Variants in PDCD6IP observed in about 807,000 individuals in gnomAD.
The protein encoded by PDCD6IP is programmed cell death 6-interacting protein.
A neutral mutation model predicts 103.7 loss-of-function variants in PDCD6IP; 43 were observed. The ratio of observed to expected loss-of-function variants is 0.41; its 90% confidence interval spans 0.32 to 0.53. PDCD6IP has a LOEUF of 0.53. Ranked by LOEUF, PDCD6IP falls within the 20% of genes least tolerant of loss-of-function variation. The pLI is 0.16. For missense variants in PDCD6IP, 871 were observed against 1,036.7 expected, an observed-to-expected ratio of 0.84 and a Z score of 2.20; for synonymous variants, 354 against 378.7, an observed-to-expected ratio of 0.93 and a Z score of 0.76.
intron 4 of PDCD6IP, among the ~76,000 whole-genome samples, chr3:33,824,467 A>G (rs746511078): frequency 4.2e-4 from 64 of 152,240 alleles, no homozygotes; most frequent in East Asian, 3.9e-4. Context: ...CATGTTGGCC[A>G]GGCTGGTCTT....
chr3:33,859,991 G>A (rs1418024114), intron 15 of PDCD6IP, among the ~76,000 whole-genome samples: 1 of 152,106 alleles, frequency 6.6e-6, no homozygotes, highest in South Asian at 2.1e-4. Context: ...TTAAAAATCA[G>A]GGTGTTTTCA....
In PDCD6IP at chr3:33,799,156, AGCC is replaced by A. The variant is rs1696409829; in HGVS notation, c.209+220_209+222del. 4 of 580,374 alleles carry A rather than the reference AGCC, an allele frequency of 6.9e-6. No homozygotes were observed. The African/African-American group carries it at 7.5e-5, about 11-fold the overall frequency. The allele number at this position is 580,374 out of a possible 1,614,324, so 36.0% of individuals were successfully genotyped here. On this transcript the variant is annotated intron_variant, in intron 1 of 17. Coordinates refer to ENST00000307296, the MANE Select transcript of PDCD6IP (RefSeq NM_013374.6). The stretch of plus-strand genomic sequence containing the variant: ...CTTGTCCTGCCTGCACGTCTGCTCT[AGCC>A]CTTGGTCGGCGAGGGCTCCGTGGAT...
intron 1 of PDCD6IP, among the ~76,000 whole-genome samples, chr3:33,807,297 G>A (rs1696619884): frequency 6.6e-6 from 1 of 152,162 alleles, no homozygotes; most frequent in Admixed American, 6.5e-5. Context: ...GCCTGTTTTT[G>A]TATGGCCTGT....
intron 1 of PDCD6IP, among the ~76,000 whole-genome samples, chr3:33,811,735 G>C (rs554939545): frequency 3.7e-4 from 57 of 152,328 alleles, no homozygotes; most frequent in African/African-American, 1.1e-3. Flanking sequence ...GTTTACCAGA[G>C]ATACTAATTT....
rs553611608 is a variant in PDCD6IP, at chr3:33,852,458, C to A, written c.1642-30C>A. ...TTGGCTTTTTTTTTTTTTTTTTTTGCAGTTAAACTAAGGTGTCTTTTTTGT... is the reference window on the plus strand; with the variant it reads ...TTGGCTTTTTTTTTTTTTTTTTTTGAAGTTAAACTAAGGTGTCTTTTTTGT... On this transcript the variant is annotated intron_variant, in intron 12 of 17. Coordinates refer to ENST00000307296, the MANE Select transcript of PDCD6IP (RefSeq NM_013374.6). 1.1e-4 allele frequency: 99 copies of A among 870,494 alleles called. 1 individual carries two copies. In the South Asian group the frequency reaches 3.8e-3, roughly 33 times the overall value. 53.9% of individuals were successfully genotyped at this position (870,494 alleles called of 1,614,324 possible).
intron 7 of PDCD6IP, among the ~76,000 whole-genome samples, chr3:33,834,070 C>T (rs1442788852): frequency 6.6e-6 from 1 of 152,112 alleles, no homozygotes; most frequent in Admixed American, 6.6e-5. Context: ...TATGCCCTTT[C>T]TTCTCCCTCC....
intron 1 of PDCD6IP, among the ~76,000 whole-genome samples, chr3:33,808,282 G>A (rs1696640383): frequency 6.6e-6 from 1 of 152,146 alleles, no homozygotes; most frequent in Non-Finnish European, 1.5e-5. Context: ...TACATTGACT[G>A]TATTTTTTTG....
chr3:33,813,503 A>G, intron 2 of PDCD6IP, 56 bp from the exon 3 acceptor site: 1 of 1,068,054 alleles, frequency 9.4e-7, no homozygotes, highest in Non-Finnish European at 1.4e-6. Context: ...AAGACTTAAT[A>G]TTTAATGAGA....
At chr3:33,827,745 C>A (rs1338141653) in intron 6 of PDCD6IP, 1 of 152,182 alleles carries the variant, frequency 6.6e-6, no homozygotes, top group Non-Finnish European at 1.5e-5. Flanking sequence ...TCCTGGTATT[C>A]CTTGAAAATC....
chr3:33,844,587 CCTT>C, intron 11 of PDCD6IP, among the ~76,000 whole-genome samples: 1 of 152,094 alleles, frequency 6.6e-6, no homozygotes, highest in Non-Finnish European at 1.5e-5. Flanking sequence ...CTCAGGCAAT[CCTT>C]CTACCTCAAC....
In PDCD6IP at chr3:33,854,005, G is replaced by GGC. The variant is rs1697776262; in HGVS notation, c.2018_2019dup (p.Thr674AlafsTer8). 6.3e-7 allele frequency: 1 copy of GGC among 1,580,428 alleles called. No individual in the cohort carries two copies. The highest frequency in any genetic ancestry group is 1.4e-5 in the African/African-American group (1 of 72,512). On this transcript the variant is annotated frameshift_variant, in exon 14 of 18. Transcript: ENST00000307296. LOFTEE classifies it high-confidence loss of function. Reference sequence around the variant, plus strand: ...TGAACTTGTAGCTAATTTGAAGGAAGGCACAAAGGTATGAAGTACATGCAA... The same window carrying GGC: ...TGAACTTGTAGCTAATTTGAAGGAAGGCGCACAAAGGTATGAAGTACATGCAA...
intron 3 of PDCD6IP, among the ~76,000 whole-genome samples, chr3:33,821,643 A>C (rs992512093): frequency 2.0e-5 from 3 of 152,228 alleles, no homozygotes; most frequent in African/African-American, 7.2e-5. Flanking sequence ...AATTTAAGAA[A>C]CTGAGAGAAA....
intron 12 of PDCD6IP, among the ~76,000 whole-genome samples, chr3:33,846,366 T>C (rs1296597387): frequency 1.3e-5 from 2 of 152,232 alleles, no homozygotes; most frequent in Non-Finnish European, 2.9e-5. Context: ...GGATATCTGC[T>C]CTGTGTAAGG....
rs149803677 is a variant in PDCD6IP at position 33,802,197 on chromosome 3, A to C, written c.209+3260A>C. On this transcript the variant is annotated intron_variant, in intron 1 of 17. Transcript: ENST00000307296. ...CAGGTTGCAATCATATCCAAGTTCC[A>C]GGTAGTAGGATGGAGAAAGGCACGG... Among the ~76,000 whole-genome samples the C allele has an allele frequency of 6.3e-3, 955 of 152,288 alleles. 4 individuals carry two copies. Among genetic ancestry groups the C allele is most frequent in the Middle Eastern group, 0.014 (4 of 294 alleles).
intron 1 of PDCD6IP, among the ~76,000 whole-genome samples, chr3:33,805,601 G>A (rs1696576906): frequency 6.6e-6 from 1 of 151,690 alleles, no homozygotes; most frequent in African/African-American, 2.4e-5. Flanking sequence ...TAAATTTTTA[G>A]TAGAGAGGAG....
rs367672274 is a variant in PDCD6IP, at chr3:33,818,846, C to G, written c.335-3109C>G. Among the ~76,000 whole-genome samples the G allele has an allele frequency of 1.7e-3, 262 of 152,188 alleles. 1 individual carries two copies. The highest frequency in any genetic ancestry group is 6.2e-3 in the African/African-American group (258 of 41,526). On this transcript the variant is annotated intron_variant, in intron 3 of 17. Coordinates refer to ENST00000307296, the MANE Select transcript of PDCD6IP (RefSeq NM_013374.6). ...CCTTGCCTTTTAGTATCTAGTGTTA[C>G]TGATGAAAAGTCTGATTTTTGTTAT...
intron 3 of PDCD6IP, among the ~76,000 whole-genome samples, chr3:33,815,565 G>C (rs2125549159): frequency 6.6e-6 from 1 of 152,292 alleles, no homozygotes; most frequent in South Asian, 2.1e-4. Flanking sequence ...AGACCAGTGA[G>C]GAGACTGATG....
At chr3:33,864,785 A>C (rs1236663537) in intron 16 of PDCD6IP, among the ~76,000 whole-genome samples, 1 of 152,244 alleles carries the variant, frequency 6.6e-6, no homozygotes, top group African/African-American at 2.4e-5. Flanking sequence ...TGATTCTGCA[A>C]ATATATATGG....
chr3:33,813,734 T>A, intron 3 of PDCD6IP, 106 bp downstream of exon 3: 1 of 682,304 alleles, frequency 1.5e-6, no homozygotes, highest in South Asian at 1.9e-5. Flanking sequence ...ATACTAAAGT[T>A]TTTTACATTT....
Sources: gnomAD v4.1 joint callset for allele counts (sites outside exome capture counted in the v4.1 genomes callset) on GRCh38, gnomAD v4.1.1 for gene constraint, MANE v1.5 for transcripts, NCBI Gene and HGNC (gene_info 2026-07-23, HGNC 2026-07-21) for gene names.